NIF3L1: variants seen among roughly 807,000 people sequenced by gnomAD.
The protein encoded by NIF3L1 is NGG1 interacting factor 3 like 1, also known as NIF3-like protein 1.
A neutral mutation model predicts 35.0 loss-of-function variants in NIF3L1; 26 were observed. The ratio of observed to expected loss-of-function variants is 0.74; its 90% CI spans 0.54 to 1.03. The LOEUF is 1.03. NIF3L1 is among the 50% of genes least tolerant of loss of function. The probability of loss-of-function intolerance (pLI) is 0.00; values close to 1 mark genes in which losing one functional copy is unlikely to be tolerated. For synonymous variants in NIF3L1, 157 were observed against 178.9 expected (o/e 0.88, Z 0.98); for missense variants, 449 against 466.3 (o/e 0.96, Z 0.34).
chr2:200,894,611 T>A (rs999692517), intron 3 of NIF3L1, among the ~76,000 whole-genome samples: 2 of 152,088 alleles, frequency 1.3e-5, no homozygotes, highest in Middle Eastern at 3.4e-3. Context: ...TTTCATCATG[T>A]TGGACAGGCT....
At chr2:200,899,071 T>C (rs2040366373) in intron 5 of NIF3L1, 1 of 270,038 alleles carries the variant, frequency 3.7e-6, no homozygotes, top group South Asian at 5.2e-5. Flanking sequence ...TAGATTAGCA[T>C]GGCCCCTATG....
In NIF3L1 at chr2:200,893,260, A is replaced by G; in HGVS notation, c.451A>G (p.Arg151Gly). 1 of 1,529,494 alleles carries G rather than the reference A, an allele frequency of 6.5e-7. No individual in the cohort carries two copies. The allele number at this position is 1,529,494 out of a possible 1,614,324, so 94.7% of individuals were successfully genotyped here. Residue 151 changes from arginine to glycine, a missense_variant, in exon 3 of 7, where the codon AGG (arginine) becomes GGG (glycine). Physicochemically the swap from Arg to Gly is moderately radical, Grantham distance 125. Coordinates refer to ENST00000409020, the MANE Select transcript of NIF3L1 (RefSeq NM_001369441.2). ...LAKGLGACTSRPIHPSKAPNY... is the reference protein window; with the variant it reads ...LAKGLGACTSGPIHPSKAPNY... ...ATTTTCTCTAGGAGCTTGTACCTCC[A>G]GGCCCATACATCCTTCCAAAGCTCC... is the stretch of plus-strand genomic sequence containing the variant.
intron 6 of NIF3L1, among the ~76,000 whole-genome samples, chr2:200,901,939 T>C (rs1416849995): frequency 6.6e-6 from 1 of 152,198 alleles, no homozygotes; most frequent in Non-Finnish European, 1.5e-5. Context: ...TTTCTTGCTT[T>C]TTACTTCTAC....
chr2:200,902,977 A>G (rs931955713), intron 6 of NIF3L1, among the ~76,000 whole-genome samples: 1 of 152,158 alleles, frequency 6.6e-6, no homozygotes, highest in South Asian at 2.1e-4. Context: ...CTAAGGAAAA[A>G]GAAGTTGGAA....
chr2:200,899,805 A>G (rs1229352761), intron 6 of NIF3L1, among the ~76,000 whole-genome samples: 6 of 152,242 alleles, frequency 3.9e-5, no homozygotes, highest in Middle Eastern at 3.4e-3. Flanking sequence ...CCTAAAGCCA[A>G]TCATCAATTC....
chr2:200,897,262 G>A, intron 5 of NIF3L1, 48 bp downstream of exon 5: 2 of 1,575,600 alleles, frequency 1.3e-6, no homozygotes, highest in Non-Finnish European at 1.7e-6. Flanking sequence ...GTTAACATTG[G>A]ACAAAGATCG....
rs760323226 is a variant in NIF3L1 at position 200,893,393 on chromosome 2, C to T, written c.584C>T (p.Thr195Ile). 3 of 1,613,846 alleles carry T rather than the reference C, an allele frequency of 1.9e-6. No homozygotes were observed. Among genetic ancestry groups the T allele is most frequent in the Non-Finnish European group, 2.5e-6 (3 of 1,179,852 alleles). ...AAAGGAATTGACGGTGTTTCTGTCACTTCTTTTTCTGCTAGGTACAATTTA... is the reference window on the plus strand; with the variant it reads ...AAAGGAATTGACGGTGTTTCTGTCATTTCTTTTTCTGCTAGGTACAATTTA... The part of the protein sequence containing the change: ...AVKGIDGVSV[T>I]SFSARTGNEE... The change falls in exon 3 of 7, where the codon ACT (threonine) becomes ATT (isoleucine). Residue 195 changes from threonine (T) to isoleucine (I), a missense_variant. By Grantham distance (89) the Thr-to-Ile change is moderately conservative. Transcript: ENST00000409020.
rs550475656 is a variant in NIF3L1, at chr2:200,891,696, G to C, written c.-26-222G>C. On this transcript the variant is annotated intron_variant, in intron 1 of 6. Coordinates refer to ENST00000409020, the MANE Select transcript of NIF3L1 (RefSeq NM_001369441.2). ...GTTACATAATTCATTAGCTCCTCTG[G>C]ATGGCCTGTGAAGTGGGTTATAGTA... is the stretch of plus-strand genomic sequence containing the variant. 393 of 530,980 alleles carry C rather than the reference G, an allele frequency of 7.4e-4. 2 individuals are homozygous for C. Among genetic ancestry groups the C allele is most frequent in the South Asian group, 6.2e-3 (260 of 41,778 alleles). 32.9% of individuals were successfully genotyped at this position (530,980 alleles called of 1,614,324 possible). A position where few individuals can be genotyped will look rare whatever the true frequency, so the allele number is the denominator to read the frequency against.
Position 200,897,151 on chromosome 2 carries a change from C to T in NIF3L1, c.802C>T (p.Arg268Ter), listed in dbSNP as rs746983978. 7.4e-6 allele frequency: 12 copies of T among 1,613,746 alleles called. No individual in the cohort carries two copies. Among genetic ancestry groups the T allele is most frequent in the East Asian group, 2.2e-5 (1 of 44,890 alleles). ...TGTCTCCCTGGCAACCATGATTGAT[C>T]GAATAAAAAGACACCTAAAACTATC... is the stretch of plus-strand genomic sequence containing the variant. ...ESVSLATMID[R>*]IKRHLKLSHI... Residue 268 changes from arginine (R) to a stop codon, truncating the protein, a stop_gained, in exon 5 of 7, where the codon CGA (arginine) becomes TGA (stop). Transcript: ENST00000409020. LOFTEE classifies it high-confidence loss of function.
chr2:200,892,465 TA>T, intron 2 of NIF3L1, 86 bp downstream of exon 2: 1 of 1,062,840 alleles, frequency 9.4e-7, no homozygotes, highest in Non-Finnish European at 1.3e-6. Flanking sequence ...TTAACTGCTT[TA>T]GGGTTGGGGA....
intron 6 of NIF3L1, 77 bp downstream of exon 6, chr2:200,899,545 A>C (rs1234796920): frequency 2.2e-6 from 2 of 929,478 alleles, no homozygotes; most frequent in African/African-American, 3.3e-5. Context: ...AGTACCTGGC[A>C]CATAGATGAT....
chr2:200,891,223 G>A (rs909017415), intron 1 of NIF3L1, among the ~76,000 whole-genome samples: 2 of 152,172 alleles, frequency 1.3e-5, no homozygotes, highest in Admixed American at 6.5e-5. Context: ...CCAAAGTGCT[G>A]GGATTACAGG....
intron 5 of NIF3L1, among the ~76,000 whole-genome samples, chr2:200,897,790 A>G (rs1451038025): frequency 1.3e-5 from 2 of 152,220 alleles, no homozygotes; most frequent in African/African-American, 4.8e-5. Flanking sequence ...TTTGAGAACA[A>G]AAAGAGTGAA....
chr2:200,893,480 T>G, intron 3 of NIF3L1, 72 bp downstream of exon 3: 1 of 1,430,528 alleles, frequency 7.0e-7, no homozygotes, highest in Non-Finnish European at 9.7e-7. Context: ...TCTATAACCC[T>G]GGTATTTAGG....
At chr2:200,895,854 T>C (rs563840572) in intron 4 of NIF3L1, among the ~76,000 whole-genome samples, 1 of 152,332 alleles carries the variant, frequency 6.6e-6, no homozygotes, top group African/African-American at 2.4e-5. Context: ...TTAGAATGCT[T>C]TCTTAAGGGA....
rs528704058 is a variant in NIF3L1, at chr2:200,897,567, G to A, written c.865+353G>A. Reference sequence around the variant, plus strand: ...TAATTTCTGCTCAACTCATTTTCCAGAATTAGTCATGTTGCCCAATACAAG... The same window carrying A: ...TAATTTCTGCTCAACTCATTTTCCAAAATTAGTCATGTTGCCCAATACAAG... On this transcript the variant is annotated intron_variant, in intron 5 of 6. Transcript: ENST00000409020. Among the ~76,000 whole-genome samples, 70 of 152,238 alleles carry A rather than the reference G, an allele frequency of 4.6e-4. No homozygotes were observed. The Middle Eastern group carries it at 0.017, about 37-fold the overall frequency.
intron 6 of NIF3L1, 132 bp downstream of exon 6, chr2:200,899,600 C>T (rs2040379232): frequency 1.6e-6 from 1 of 610,528 alleles, no homozygotes; most frequent in Non-Finnish European, 3.0e-6. Context: ...GAAACTACAA[C>T]AGAACTGGGG....
chr2:200,903,506 A>G lies in NIF3L1; in HGVS notation c.962A>G (p.His321Arg). 1 of 1,613,572 alleles carries G rather than the reference A, an allele frequency of 6.2e-7. No individual in the cohort carries two copies. The highest frequency in any genetic ancestry group is 8.5e-7 in the Non-Finnish European group (1 of 1,179,470). ...ADLYLTGEMS[H>R]HDTLDAASQG... The stretch of plus-strand genomic sequence containing the variant: ...CCCTTTTTGGTAGGTGAGATGTCCC[A>G]TCATGATACTTTGGATGCTGCTTCC... The change falls in exon 7 of 7, where the codon CAT (histidine) becomes CGT (arginine). Residue 321 changes from histidine (H) to arginine (R), a missense_variant. Coordinates refer to ENST00000409020, the MANE Select transcript of NIF3L1 (RefSeq NM_001369441.2).
chr2:200,891,659 A>G (rs1207295066), intron 1 of NIF3L1: 1 of 440,918 alleles, frequency 2.3e-6, no homozygotes, highest in Non-Finnish European at 4.1e-6. Flanking sequence ...ATTATGTACC[A>G]GGCTTTGCTA....
Sources: gnomAD v4.1 joint callset for allele counts (sites outside exome capture counted in the v4.1 genomes callset) on GRCh38, gnomAD v4.1.1 for gene constraint, MANE v1.5 for transcripts, NCBI Gene and HGNC (gene_info 2026-07-23, HGNC 2026-07-21) for gene names.